The following SPAG16 variants were observed in gnomAD, a reference collection of about 807,000 sequenced individuals.
SPAG16 encodes sperm associated antigen 16.
SPAG16 carries 86 observed loss-of-function variants against 80.4 expected under a neutral mutation model. The ratio of observed to expected loss-of-function variants is 1.07; its 90% CI spans 0.90 to 1.28. The LOEUF is 1.28. Ranked by LOEUF, SPAG16 falls within the 50% of genes most tolerant of loss-of-function variation. The pLI, the probability that SPAG16 is intolerant of heterozygous loss-of-function variation, is 0.00. For missense variants in SPAG16, 870 were observed against 765.3 expected (o/e 1.14, Z -1.61); for synonymous variants, 294 against 265.9 (o/e 1.11, Z -1.03).
intron 10 of SPAG16, among the ~76,000 whole-genome samples, chr2:213,608,726 C>T (rs1293314057): frequency 6.6e-6 from 1 of 152,238 alleles, no homozygotes; most frequent in East Asian, 1.9e-4. Flanking sequence ...CTCTGTCCCC[C>T]CAGGCTGGAG....
chr2:214,108,982 G>C (rs1344469571), intron 14 of SPAG16, among the ~76,000 whole-genome samples: 1 of 152,090 alleles, frequency 6.6e-6, no homozygotes, highest in Non-Finnish European at 1.5e-5. Flanking sequence ...AGCCTTATAG[G>C]AGATGTTTAG....
chr2:213,496,640 A>G (rs1331409149), intron 10 of SPAG16, among the ~76,000 whole-genome samples: 1 of 151,616 alleles, frequency 6.6e-6, no homozygotes, highest in Non-Finnish European at 1.5e-5. Context: ...TTTAATTATT[A>G]TATATGGATA....
Position 214,223,894 on chromosome 2 carries a change from C to A in SPAG16, c.1720+74628C>A, listed in dbSNP as rs1330821832. Among the ~76,000 whole-genome samples the A allele has an allele frequency of 4.6e-5, 7 of 151,998 alleles. No homozygotes were observed. The East Asian group carries it at 1.2e-3, about 25-fold the overall frequency. ...CATGTTTCAGTTATGAGGCATTGAC[C>A]AAGGCTGACCAAAGGAAGAGATGTT... On this transcript the variant is annotated intron_variant, in intron 15 of 15. Coordinates refer to ENST00000331683, the MANE Select transcript of SPAG16 (RefSeq NM_024532.5).
intron 15 of SPAG16, among the ~76,000 whole-genome samples, chr2:214,249,840 ATTAG>A (rs969309089): frequency 1.3e-5 from 2 of 152,150 alleles, no homozygotes; most frequent in Non-Finnish European, 2.9e-5. Context: ...GAAGTACTAT[ATTAG>A]TTAGAAGAAG....
At chr2:213,422,509 A>G in intron 9 of SPAG16, 1 of 524,044 alleles carries the variant, frequency 1.9e-6, no homozygotes, top group Non-Finnish European at 3.4e-6. Context: ...GCAAGAGCTG[A>G]GCACAGCCTA....
chr2:213,949,174 T>TTTTTTTTG (rs2079605189), intron 12 of SPAG16, among the ~76,000 whole-genome samples: 1 of 18,574 alleles, frequency 5.4e-5, no homozygotes, highest in Non-Finnish European at 1.4e-4. Flanking sequence ...CAACAGTTTT[T>TTTTTTTTG]TTTTTTTTTT....
chr2:213,696,108 C>T (rs1402152847), intron 10 of SPAG16, among the ~76,000 whole-genome samples: 16 of 152,046 alleles, frequency 1.1e-4, no homozygotes, highest in Admixed American at 1.0e-3. Flanking sequence ...ATTTGCTGAT[C>T]TATGGATATG....
At chr2:213,657,757 A>G (rs959515122) in intron 10 of SPAG16, among the ~76,000 whole-genome samples, 6 of 152,174 alleles carry the variant, frequency 3.9e-5, no homozygotes, top group African/African-American at 1.4e-4. Flanking sequence ...TTAATGGTTT[A>G]CTGTTACAAC....
intron 9 of SPAG16, among the ~76,000 whole-genome samples, chr2:213,418,266 CATAT>C (rs372115580): frequency 6.6e-6 from 1 of 151,374 alleles, no homozygotes; most frequent in Non-Finnish European, 1.5e-5. Context: ...CACACACACA[CATAT>C]ATATATATGC....
intron 10 of SPAG16, among the ~76,000 whole-genome samples, chr2:213,849,237 T>C (rs1024737104): frequency 6.6e-6 from 1 of 151,978 alleles, no homozygotes; most frequent in Non-Finnish European, 1.5e-5. Flanking sequence ...TTTTAAGAAC[T>C]AGCCCATGCA....
At chr2:213,436,168 A>C (rs1430590567) in intron 9 of SPAG16, among the ~76,000 whole-genome samples, 1 of 152,206 alleles carries the variant, frequency 6.6e-6, no homozygotes, top group Non-Finnish European at 1.5e-5. Context: ...TAAATCATTT[A>C]ATCACATTTT....
chr2:213,926,465 C>T (rs1223007134), intron 11 of SPAG16, among the ~76,000 whole-genome samples: 1 of 152,136 alleles, frequency 6.6e-6, no homozygotes, highest in East Asian at 1.9e-4. Flanking sequence ...CGTAGCTTAA[C>T]TCCCACCTGT....
At chr2:213,995,123 T>G (rs963367206) in intron 12 of SPAG16, among the ~76,000 whole-genome samples, 1 of 152,170 alleles carries the variant, frequency 6.6e-6, no homozygotes, top group South Asian at 2.1e-4. Context: ...TAAGCATAGA[T>G]TAATTAAATT....
At chr2:214,285,531 G>A (rs914589975) in intron 15 of SPAG16, among the ~76,000 whole-genome samples, 4 of 152,090 alleles carry the variant, frequency 2.6e-5, no homozygotes, top group Non-Finnish European at 2.9e-5. Context: ...ACTGCTAGCC[G>A]GGCGTGGTGG....
intron 10 of SPAG16, among the ~76,000 whole-genome samples, chr2:213,848,948 T>C (rs959552343): frequency 2.6e-5 from 4 of 152,190 alleles, no homozygotes; most frequent in Non-Finnish European, 5.9e-5. Flanking sequence ...GATTGACATA[T>C]ATATATAACT....
intron 15 of SPAG16, among the ~76,000 whole-genome samples, chr2:214,158,837 C>T (rs2056324030): frequency 6.6e-6 from 1 of 151,908 alleles, no homozygotes; most frequent in Non-Finnish European, 1.5e-5. Flanking sequence ...GTTTACAAAG[C>T]AACTATATAA....
chr2:213,874,960 A>G (rs1194672994), intron 11 of SPAG16, among the ~76,000 whole-genome samples: 1 of 152,094 alleles, frequency 6.6e-6, no homozygotes, highest in African/African-American at 2.4e-5. Flanking sequence ...TTATTTTTTA[A>G]GAAAGAGAAT....
intron 10 of SPAG16, among the ~76,000 whole-genome samples, chr2:213,721,357 C>T (rs186085270): frequency 6.6e-6 from 1 of 152,270 alleles, no homozygotes; most frequent in African/African-American, 2.4e-5. Flanking sequence ...CTTCGGCCTC[C>T]CAAAGTGCTG....
intron 9 of SPAG16, among the ~76,000 whole-genome samples, chr2:213,421,490 C>A (rs1019205081): frequency 2.6e-5 from 4 of 152,200 alleles, no homozygotes; most frequent in African/African-American, 9.6e-5. Context: ...AGACAGGCTC[C>A]TGGGCAGAAA....
Sources: allele counts gnomAD v4.1 joint callset (sites outside exome capture counted in the v4.1 genomes callset), GRCh38; gene constraint gnomAD v4.1.1; transcripts MANE v1.5; gene names NCBI Gene and HGNC (gene_info 2026-07-23, HGNC 2026-07-21).